DLC1: variants seen among roughly 807,000 people sequenced by gnomAD.
DLC1 encodes the protein DLC1 Rho GTPase activating protein, also known as rho GTPase-activating protein 7.
A neutral mutation model predicts 140.3 loss-of-function variants in DLC1; 54 were observed. That is an observed-to-expected ratio of 0.38 (90% CI 0.31 to 0.48). DLC1 has a LOEUF of 0.48. Ranked by LOEUF, DLC1 falls within the 20% of genes least tolerant of loss-of-function variation. The probability of loss-of-function intolerance (pLI) is 0.96; values close to 1 mark genes in which losing one functional copy is unlikely to be tolerated. For synonymous variants in DLC1, 986 were observed against 728.1 expected, an observed-to-expected ratio of 1.35 and a Z score of -5.70; for missense variants, 2,536 against 1,907.0, an observed-to-expected ratio of 1.33 and a Z score of -6.14.
At chr8:13,402,779 T>G (rs1227370016) in intron 2 of DLC1, among the ~76,000 whole-genome samples, 7 of 152,190 alleles carry the variant, frequency 4.6e-5, no homozygotes, top group Non-Finnish European at 8.8e-5. Flanking sequence ...ATTTTTTTAA[T>G]TTTTTGCCAT....
chr8:13,110,946 C>G lies in DLC1; in HGVS notation c.1421-123G>C. The G allele has an allele frequency of 3.8e-6, 3 of 792,584 alleles. 1 individual carries two copies. The South Asian group carries it at 5.1e-5, about 13-fold the overall frequency. The allele number at this position is 792,584 out of a possible 1,614,324, so 49.1% of individuals were successfully genotyped here. A position where few individuals can be genotyped will look rare whatever the true frequency, so the allele number is the denominator to read the frequency against. On this transcript the variant is annotated intron_variant, in intron 6 of 17. Transcript: ENST00000276297. ...ATACTAAGCACCTACTGTAGGACAC[C>G]TCATTCCCCGTCAAGTTCTATGGGA...
chr8:13,482,469 C>G (rs1800781809), intron 2 of DLC1, among the ~76,000 whole-genome samples: 1 of 152,024 alleles, frequency 6.6e-6, no homozygotes, highest in Admixed American at 6.6e-5. Flanking sequence ...TGTCTTTATT[C>G]AGGTTAAGCG....
intron 1 of DLC1, among the ~76,000 whole-genome samples, chr8:13,586,589 G>GCACACA (rs3066494): frequency 0.17 from 24,308 of 142,826 alleles, 2,174 homozygotes; most frequent in Non-Finnish European, 0.22. Context: ...AGATGCACAT[G>GCACACA]CACACACACA....
chr8:13,306,863 C>G (rs536824047), intron 4 of DLC1, among the ~76,000 whole-genome samples: 1 of 151,600 alleles, frequency 6.6e-6, no homozygotes, highest in African/African-American at 2.4e-5. Flanking sequence ...GCGGGTGGAT[C>G]ACCTGAGGTC....
intron 5 of DLC1, among the ~76,000 whole-genome samples, chr8:13,207,607 T>TC (rs201368762): frequency 0.014 from 2,207 of 152,310 alleles, 65 homozygotes; most frequent in African/African-American, 0.05. Flanking sequence ...AGACATTTTT[T>TC]CATGGTTGCT....
At chr8:13,399,679 T>A (rs1039411758) in intron 3 of DLC1, among the ~76,000 whole-genome samples, 1 of 152,218 alleles carries the variant, frequency 6.6e-6, no homozygotes, top group Non-Finnish European at 1.5e-5. Context: ...CATCAGGCCA[T>A]AGCCAATCTA....
chr8:13,173,417 G>C (rs1382595769), intron 5 of DLC1, among the ~76,000 whole-genome samples: 1 of 137,966 alleles, frequency 7.2e-6, no homozygotes, highest in Non-Finnish European at 1.5e-5. Flanking sequence ...CTATCTCCAG[G>C]CTGGAGCGCA....
intron 5 of DLC1, among the ~76,000 whole-genome samples, chr8:13,233,293 TAAAAAAAAAAAAAA>T (rs71207134): frequency 1.1e-4 from 8 of 70,388 alleles, no homozygotes; most frequent in East Asian, 3.9e-4. Flanking sequence ...AGACTCTGTA[TAAAAAAAAAAAAAA>T]AAAAAAAAAA....
chr8:13,587,041 C>G (rs978798315), intron 1 of DLC1, among the ~76,000 whole-genome samples: 2 of 149,660 alleles, frequency 1.3e-5, no homozygotes, highest in East Asian at 2.0e-4. Flanking sequence ...GGTAGTGATT[C>G]CACCTATAAA....
chr8:13,451,657 T>C (rs182551417), intron 2 of DLC1, among the ~76,000 whole-genome samples: 169 of 152,292 alleles, frequency 1.1e-3, no homozygotes, highest in Middle Eastern at 6.8e-3. Flanking sequence ...CTTAACATAA[T>C]AGCCTCCAGT....
At chr8:13,384,616 A>G (rs1017679962) in intron 4 of DLC1, among the ~76,000 whole-genome samples, 5 of 152,200 alleles carry the variant, frequency 3.3e-5, no homozygotes, top group African/African-American at 4.8e-5. Flanking sequence ...AATGTAAAAA[A>G]TAATGTCCAA....
intron 5 of DLC1, chr8:13,214,792 A>C (rs760063655): frequency 1.3e-6 from 1 of 779,462 alleles, no homozygotes; most frequent in South Asian, 1.3e-5. Flanking sequence ...GTTCCAGGGG[A>C]GGTAAAAAGG....
intron 2 of DLC1, among the ~76,000 whole-genome samples, chr8:13,447,449 A>G (rs964201363): frequency 6.6e-6 from 1 of 152,180 alleles, no homozygotes; most frequent in African/African-American, 2.4e-5. Context: ...GCCACACATT[A>G]TCAAATATTT....
At chr8:13,435,145 C>T (rs1839061337) in intron 2 of DLC1, among the ~76,000 whole-genome samples, 1 of 152,126 alleles carries the variant, frequency 6.6e-6, no homozygotes, top group East Asian at 1.9e-4. Flanking sequence ...GTAAAAATAT[C>T]AACATGAACA....
intron 14 of DLC1, 113 bp downstream of exon 14, chr8:13,091,205 G>A (rs1057348757): frequency 4.1e-5 from 35 of 856,208 alleles, no homozygotes; most frequent in African/African-American, 1.5e-4. Context: ...TATTTATACC[G>A]TCTCCAGCTG....
At chr8:13,327,892 T>G (rs1833437243) in intron 4 of DLC1, among the ~76,000 whole-genome samples, 1 of 152,222 alleles carries the variant, frequency 6.6e-6, no homozygotes, top group Non-Finnish European at 1.5e-5. Context: ...TTAGCTATTC[T>G]GAGGAACTAA....
chr8:13,439,418 A>C (rs1200313378), intron 2 of DLC1, among the ~76,000 whole-genome samples: 3 of 152,126 alleles, frequency 2.0e-5, no homozygotes, highest in African/African-American at 7.2e-5. Context: ...AGGTTCTTCC[A>C]CATATTTAAG....
At chr8:13,223,966 G>A (rs1828672751) in intron 5 of DLC1, among the ~76,000 whole-genome samples, 1 of 152,160 alleles carries the variant, frequency 6.6e-6, no homozygotes, top group Non-Finnish European at 1.5e-5. Context: ...GGCAAATAGA[G>A]TATGTGTAAG....
intron 4 of DLC1, among the ~76,000 whole-genome samples, chr8:13,374,297 C>G (rs144181428): frequency 9.0e-6 from 1 of 110,772 alleles, no homozygotes; most frequent in Non-Finnish European, 1.8e-5. Flanking sequence ...AAATCCATCT[C>G]AAATTCTTTT....
Sources: allele counts gnomAD v4.1 joint callset (sites outside exome capture counted in the v4.1 genomes callset), GRCh38; gene constraint gnomAD v4.1.1; transcripts MANE v1.5; gene names NCBI Gene and HGNC (gene_info 2026-07-23, HGNC 2026-07-21).